The following KNG1 variants were observed in gnomAD, a reference collection of about 807,000 sequenced individuals.
The protein encoded by KNG1 is kininogen 1, also known as kininogen-1.
Under a neutral mutation model 47.8 loss-of-function variants are expected in KNG1, and 23 were observed. The observed-to-expected ratio is 0.48, with a 90% CI of 0.35 to 0.68. The LOEUF (loss-of-function observed/expected upper bound fraction) is 0.68. Among genes scored for constraint, KNG1 ranks in the 30% least tolerant of loss-of-function variants. The pLI, the probability that KNG1 is intolerant of heterozygous loss-of-function variation, is 0.01. For missense variants in KNG1, 762 were observed against 790.2 expected (o/e 0.96, Z 0.43); for synonymous variants, 277 against 277.0 (o/e 1.00, Z 0.00).
intron 9 of KNG1, among the ~76,000 whole-genome samples, chr3:186,740,981 T>TG (rs1388722638): frequency 2.7e-5 from 4 of 149,500 alleles, no homozygotes; most frequent in South Asian, 4.3e-4. Context: ...TTTTGTTTTT[T>TG]TTTTGTTGTT....
At chr3:186,737,553 T>TTTTTG (rs1472401678) in intron 7 of KNG1, among the ~76,000 whole-genome samples, 4 of 152,076 alleles carry the variant, frequency 2.6e-5, no homozygotes, top group Non-Finnish European at 5.9e-5. Context: ...TGTTTGTTTG[T>TTTTTG]TTTTGTTTTG....
intron 2 of KNG1, chr3:186,721,521 A>AT (rs1263563259): frequency 6.6e-6 from 1 of 152,228 alleles, no homozygotes; most frequent in Admixed American, 6.5e-5. Flanking sequence ...TCTAGTAGGC[A>AT]TTTTGTGTGT....
chr3:186,738,891 C>T, intron 7 of KNG1: 5 of 536,798 alleles, frequency 9.3e-6, no homozygotes, highest in Non-Finnish European at 3.3e-6. Context: ...ATTTCTTCCC[C>T]CACTTAGAAA....
intron 2 of KNG1, 118 bp from the exon 3 acceptor site, chr3:186,722,319 A>G (rs1177499265): frequency 3.7e-6 from 3 of 806,860 alleles, no homozygotes; most frequent in Non-Finnish European, 6.1e-6. Flanking sequence ...CTTTTGGTAA[A>G]ATCTTCACAA....
Position 186,742,241 on chromosome 3 carries a change from T to C in KNG1, c.1845T>C (p.Pro615=), listed in dbSNP as rs752261780. ...CAGACACGACCTCCCCAAAATGTCC[T>C]GGACGCCCCTGGAAGTCAGTTAGTG... is the stretch of plus-strand genomic sequence containing the variant. ...DFPDTTSPKC[P]GRPWKSVSEI... is the part of the protein sequence containing the mutation. The change falls in exon 10 of 10, where the codon CCT becomes CCC. Residue 615 remains proline (P), a synonymous_variant. Coordinates refer to ENST00000644859, the MANE Select transcript of KNG1 (RefSeq NM_001102416.3). 2 of 1,614,218 alleles carry C rather than the reference T, an allele frequency of 1.2e-6. No individual in the cohort carries two copies. The highest frequency in any genetic ancestry group is 1.7e-6 in the Non-Finnish European group (2 of 1,180,036).
At chr3:186,723,469 C>T (rs1212132662) in intron 3 of KNG1, among the ~76,000 whole-genome samples, 1 of 152,170 alleles carries the variant, frequency 6.6e-6, no homozygotes, top group African/African-American at 2.4e-5. Context: ...CTTCTCTTCT[C>T]TATCTCCATG....
intron 6 of KNG1, 76 bp from the exon 7 acceptor site, chr3:186,732,426 G>A (rs1720559686): frequency 7.2e-7 from 1 of 1,393,762 alleles, no homozygotes; most frequent in Non-Finnish European, 1.0e-6. Context: ...TGTGGATGCT[G>A]GTTCTTGTGC....
chr3:186,738,970 CT>C (rs1196085492), intron 7 of KNG1, 128 bp from the exon 8 acceptor site: 4 of 793,438 alleles, frequency 5.0e-6, no homozygotes, highest in Non-Finnish European at 8.4e-6. Context: ...CAAACGTGTA[CT>C]TTTTTGTATG....
intron 6 of KNG1, 64 bp downstream of exon 6, chr3:186,731,693 CT>C: frequency 9.3e-7 from 1 of 1,075,002 alleles, no homozygotes; most frequent in Non-Finnish European, 1.4e-6. Flanking sequence ...CTGGCTGAGT[CT>C]TTTCCTATAA....
In KNG1 at chr3:186,733,406, T is replaced by C. The variant is rs5030051; in HGVS notation, c.930+732T>C. Among the ~76,000 whole-genome samples, 1,106 of 152,286 alleles carry C rather than the reference T, an allele frequency of 7.3e-3. 10 individuals carry two copies. The highest frequency in any genetic ancestry group is 0.024 in the African/African-American group (1,017 of 41,564). ...CTCAGCCATATCAGTCAATCCATCA[T>C]TGCCAAGGCTCCACGCTTTCTTGCC... On this transcript the variant is annotated intron_variant, in intron 7 of 9. Coordinates refer to ENST00000644859, the MANE Select transcript of KNG1 (RefSeq NM_001102416.3).
intron 1 of KNG1, 72 bp from the exon 2 acceptor site, chr3:186,720,033 A>C (rs1720140982): frequency 2.2e-6 from 2 of 910,098 alleles, no homozygotes; most frequent in East Asian, 4.8e-5. Flanking sequence ...TCCTAACTTT[A>C]CCGGAACCCA....
intron 3 of KNG1, among the ~76,000 whole-genome samples, chr3:186,724,444 A>T (rs9819941): frequency 3.9e-4 from 60 of 152,280 alleles, no homozygotes; most frequent in African/African-American, 1.4e-3. Flanking sequence ...AGCCATTCTA[A>T]CTGGGGTAAG....
intron 7 of KNG1, chr3:186,735,935 A>T (rs1429419132): frequency 6.6e-6 from 1 of 152,174 alleles, no homozygotes; most frequent in Non-Finnish European, 1.5e-5. Context: ...ACACCAATGC[A>T]CCCAGCTCCC....
chr3:186,717,467 T>G lies in KNG1; in HGVS notation c.-76T>G. On this transcript the variant is annotated 5_prime_UTR_variant, in exon 1 of 10. Coordinates refer to ENST00000644859, the MANE Select transcript of KNG1 (RefSeq NM_001102416.3). ...AGAAGAAACAAGAGGCTGGAGATTG[T>G]CAAATTCAGTATCCCAGTTGGCTCT... 1 of 1,103,810 alleles carries G rather than the reference T, an allele frequency of 9.1e-7. No individual in the cohort carries two copies. Among genetic ancestry groups the G allele is most frequent in the Non-Finnish European group, 1.4e-6 (1 of 718,182 alleles). The allele number at this position is 1,103,810 out of a possible 1,614,324, so 68.4% of individuals were successfully genotyped here. A position where few individuals can be genotyped will look rare whatever the true frequency, so the allele number is the denominator to read the frequency against.
chr3:186,738,984 ACTCT>A (rs1720735895), intron 7 of KNG1, 111 bp from the exon 8 acceptor site: 2 of 844,556 alleles, frequency 2.4e-6, no homozygotes. Context: ...TTTGTATGTA[ACTCT>A]CTAAGTTGGT....
At chr3:186,718,048 C>T (rs1425366140) in intron 1 of KNG1, 107 of 314,964 alleles carry the variant, frequency 3.4e-4, no homozygotes, top group Non-Finnish European at 4.9e-4. Context: ...CACCATCACC[C>T]ACCACCATCA....
In KNG1 at chr3:186,721,350, T is replaced by G. The variant is rs1384236151; in HGVS notation, c.307-1087T>G. On this transcript the variant is annotated intron_variant, in intron 2 of 9. Coordinates refer to ENST00000644859, the MANE Select transcript of KNG1 (RefSeq NM_001102416.3). ...GTACTGCCTGCTTCTAGGGGCTGTGTGGACAAAGGGAGGTGTGCTTTATCC... is the reference window on the plus strand; with the variant it reads ...GTACTGCCTGCTTCTAGGGGCTGTGGGGACAAAGGGAGGTGTGCTTTATCC... 3 of 152,344 alleles carry G rather than the reference T, an allele frequency of 2.0e-5. No individual in the cohort carries two copies. In the East Asian group the frequency reaches 5.8e-4, roughly 29 times the overall value. The allele number at this position is 152,344 out of a possible 1,614,324, so 9.4% of individuals were successfully genotyped here.
chr3:186,720,343 G>A, intron 2 of KNG1, 128 bp downstream of exon 2: 2 of 715,028 alleles, frequency 2.8e-6, no homozygotes, highest in African/African-American at 1.7e-5. Context: ...ATTCCAATGT[G>A]TAGAAAAGTC....
chr3:186,726,332 G>A (rs866142818), intron 4 of KNG1, among the ~76,000 whole-genome samples: 1 of 143,990 alleles, frequency 6.9e-6, no homozygotes, highest in Admixed American at 7.1e-5. Context: ...TGCCCAGGCT[G>A]GAGGCTGGAG....
Sources: allele counts gnomAD v4.1 joint callset (sites outside exome capture counted in the v4.1 genomes callset), GRCh38; gene constraint gnomAD v4.1.1; transcripts MANE v1.5; gene names NCBI Gene and HGNC (gene_info 2026-07-23, HGNC 2026-07-21).